LRP1B: variants seen among roughly 807,000 people sequenced by gnomAD.
LRP1B encodes the protein LDL receptor related protein 1B, also known as low-density lipoprotein receptor-related protein 1B.
LRP1B carries 217 observed loss-of-function variants against 556.6 expected under a neutral mutation model. That is an observed-to-expected ratio of 0.39 (90% CI 0.35 to 0.44). The LOEUF (loss-of-function observed/expected upper bound fraction) is 0.44. LRP1B is among the 20% of genes least tolerant of loss of function. LRP1B has a pLI of 1.00. For missense variants in LRP1B, 5,053 were observed against 5,620.8 expected, an observed-to-expected ratio of 0.90 and a Z score of 3.23; for synonymous variants, 2,047 against 1,865.8, an observed-to-expected ratio of 1.10 and a Z score of -2.50.
chr2:142,086,068 A>C (rs992133085), intron 1 of LRP1B, among the ~76,000 whole-genome samples: 4 of 152,224 alleles, frequency 2.6e-5, no homozygotes, highest in Admixed American at 2.6e-4. Flanking sequence ...AAAGAAATAA[A>C]AAGTTGCATT....
intron 3 of LRP1B, among the ~76,000 whole-genome samples, chr2:141,334,841 C>T (rs1687787033): frequency 6.6e-6 from 1 of 152,162 alleles, no homozygotes; most frequent in Non-Finnish European, 1.5e-5. Context: ...CATGACCCAC[C>T]ATGCCCGGCC....
intron 3 of LRP1B, among the ~76,000 whole-genome samples, chr2:141,421,042 T>A (rs1444223024): frequency 1.3e-5 from 2 of 152,208 alleles, no homozygotes; most frequent in East Asian, 3.9e-4. Context: ...TGTTCTTGGC[T>A]TTGTGCTCTC....
intron 6 of LRP1B, among the ~76,000 whole-genome samples, chr2:141,200,318 A>G (rs1210324744): frequency 2.6e-5 from 4 of 152,124 alleles, no homozygotes; most frequent in Non-Finnish European, 5.9e-5. Context: ...CTCAGTCACA[A>G]GTGGGAGCTG....
At chr2:140,627,705 C>G (rs995446530) in intron 41 of LRP1B, among the ~76,000 whole-genome samples, 1 of 152,078 alleles carries the variant, frequency 6.6e-6, no homozygotes. Context: ...CTCTAGAGAA[C>G]CTTAATACAC....
intron 2 of LRP1B, among the ~76,000 whole-genome samples, chr2:141,803,383 C>T (rs577264892): frequency 1.1e-4 from 17 of 151,866 alleles, no homozygotes; most frequent in African/African-American, 2.9e-4. Flanking sequence ...ACCTTCCTAT[C>T]CCCCCTGCAT....
intron 3 of LRP1B, among the ~76,000 whole-genome samples, chr2:141,269,712 T>C (rs1685016472): frequency 1.3e-5 from 2 of 152,072 alleles, no homozygotes; most frequent in South Asian, 2.1e-4. Flanking sequence ...ATACATTACA[T>C]AAAATTCTTT....
chr2:141,095,005 G>A (rs964954980), intron 7 of LRP1B, among the ~76,000 whole-genome samples: 4 of 152,084 alleles, frequency 2.6e-5, no homozygotes, highest in African/African-American at 9.7e-5. Context: ...GGCCAAGAGG[G>A]TAAAGTGAAT....
At chr2:141,574,276 A>C (rs902345125) in intron 2 of LRP1B, among the ~76,000 whole-genome samples, 18 of 152,250 alleles carry the variant, frequency 1.2e-4, no homozygotes, top group African/African-American at 4.1e-4. Context: ...CCTGGGATGC[A>C]AGGCTGGTTC....
chr2:140,780,522 A>C (rs1422143235), intron 32 of LRP1B, among the ~76,000 whole-genome samples: 1 of 151,884 alleles, frequency 6.6e-6, no homozygotes, highest in African/African-American at 2.4e-5. Flanking sequence ...TTTTATTTGG[A>C]CCACCCCTAA....
At chr2:141,701,547 G>C (rs560802906) in intron 2 of LRP1B, among the ~76,000 whole-genome samples, 1 of 151,848 alleles carries the variant, frequency 6.6e-6, no homozygotes, top group South Asian at 2.1e-4. Context: ...ATGTCCTTGG[G>C]AAAGCACAAG....
At chr2:140,751,087 G>A (rs1053245601) in intron 35 of LRP1B, among the ~76,000 whole-genome samples, 2 of 150,294 alleles carry the variant, frequency 1.3e-5, no homozygotes, top group African/African-American at 4.9e-5. Context: ...CCACCTCCTG[G>A]GTTCAAGCGA....
intron 2 of LRP1B, among the ~76,000 whole-genome samples, chr2:141,597,450 A>G (rs1219479993): frequency 4.6e-5 from 7 of 152,070 alleles, no homozygotes; most frequent in Non-Finnish European, 4.4e-5. Context: ...CGCTAATAAC[A>G]TGTTCAATTT....
chr2:141,356,292 T>TC lies in LRP1B; in HGVS notation c.344-101652dup, dbSNP rs531030335. On this transcript the variant is annotated intron_variant, in intron 3 of 90. Coordinates refer to ENST00000389484, the MANE Select transcript of LRP1B (RefSeq NM_018557.3). ...GTACTCAGTGGCAGCAATGATAATG[T>TC]CTTCCCTGGAAGCCCTGATAGTTTG... Among the ~76,000 whole-genome samples the TC allele has an allele frequency of 2.3e-3, 354 of 152,318 alleles. 2 individuals are homozygous for TC. Among genetic ancestry groups the TC allele is most frequent in the African/African-American group, 7.8e-3 (324 of 41,578 alleles).
chr2:141,969,982 T>A (rs1701683499), intron 1 of LRP1B, among the ~76,000 whole-genome samples: 1 of 151,600 alleles, frequency 6.6e-6, no homozygotes, highest in Admixed American at 6.6e-5. Context: ...GTTACATGTG[T>A]GAGCTGATAT....
intron 2 of LRP1B, among the ~76,000 whole-genome samples, chr2:141,710,446 TG>T (rs1348615554): frequency 6.6e-6 from 1 of 152,170 alleles, no homozygotes; most frequent in Non-Finnish European, 1.5e-5. Flanking sequence ...GCAGCTACCC[TG>T]TGATTGTCAC....
chr2:140,475,477 T>TTTGGGAGGCCGAGGCGGGCG, intron 59 of LRP1B, 140 bp from the exon 60 acceptor site: 1 of 548,484 alleles, frequency 1.8e-6, no homozygotes, highest in Non-Finnish European at 3.2e-6. Context: ...AAACATCCTT[T>TTTGGGAGGCCGAGGCGGGCG]GATGCAAAAT....
At chr2:142,116,281 T>G (rs1707273818) in intron 1 of LRP1B, among the ~76,000 whole-genome samples, 2 of 151,510 alleles carry the variant, frequency 1.3e-5, no homozygotes, top group African/African-American at 4.8e-5. Flanking sequence ...GGGTATATTG[T>G]CATGCATTTC....
intron 1 of LRP1B, among the ~76,000 whole-genome samples, chr2:141,983,645 A>T (rs779542526): frequency 6.6e-6 from 1 of 152,230 alleles, no homozygotes; most frequent in African/African-American, 2.4e-5. Flanking sequence ...TTTAACAGTG[A>T]AAATCTATAA....
chr2:140,258,123 A>G (rs1236071546), intron 86 of LRP1B, among the ~76,000 whole-genome samples: 3 of 152,154 alleles, frequency 2.0e-5, no homozygotes, highest in Non-Finnish European at 4.4e-5. Context: ...GGCTTCTCCA[A>G]TACCTGTGCA....
Sources: gnomAD v4.1 joint callset for allele counts (sites outside exome capture counted in the v4.1 genomes callset) on GRCh38, gnomAD v4.1.1 for gene constraint, MANE v1.5 for transcripts, NCBI Gene and HGNC (gene_info 2026-07-23, HGNC 2026-07-21) for gene names.